The following SNTG1 variants were observed in gnomAD, a reference collection of about 807,000 sequenced individuals.
SNTG1 encodes the protein gamma-1-syntrophin.
Under a neutral mutation model 74.7 loss-of-function variants are expected in SNTG1, and 39 were observed. That is an observed-to-expected ratio of 0.52 (90% confidence interval 0.40 to 0.68). The LOEUF (loss-of-function observed/expected upper bound fraction) is 0.68. Among genes scored for constraint, SNTG1 ranks in the 30% least tolerant of loss-of-function variants. SNTG1 has a pLI of 0.00. For missense variants in SNTG1, 685 were observed against 609.5 expected (o/e 1.12, Z -1.30); for synonymous variants, 254 against 217.1 (o/e 1.17, Z -1.49).
rs1484001501 is a variant in SNTG1, at chr8:49,912,162, G to A, written c.-172G>A. The A allele has an allele frequency of 6.6e-6, 1 of 152,206 alleles. No individual in the cohort carries two copies. Among genetic ancestry groups the A allele is most frequent in the African/African-American group, 2.4e-5 (1 of 41,456 alleles). 9.4% of individuals were successfully genotyped at this position (152,206 alleles called of 1,614,324 possible). A position where few individuals can be genotyped will look rare whatever the true frequency, so the allele number is the denominator to read the frequency against. On this transcript the variant is annotated 5_prime_UTR_variant, in exon 1 of 19. Coordinates refer to ENST00000642720, the MANE Select transcript of SNTG1 (RefSeq NM_018967.5). The stretch of plus-strand genomic sequence containing the variant: ...TGTTTTGGAAATAGCTTTGTGAAAA[G>A]AGGGTGGAGAGCTACTCAAAATTCT...
At chr8:49,965,023 G>A (rs1811020112) in intron 1 of SNTG1, among the ~76,000 whole-genome samples, 1 of 152,144 alleles carries the variant, frequency 6.6e-6, no homozygotes, top group Non-Finnish European at 1.5e-5. Context: ...GATAGAGCAT[G>A]GGATCTCTGA....
intron 12 of SNTG1, among the ~76,000 whole-genome samples, chr8:50,587,320 T>TATCTTATCAATCTTATCA (rs200847348): frequency 6.6e-6 from 1 of 152,072 alleles, no homozygotes. Flanking sequence ...GTAAGCATCG[T>TATCTTATCAATCTTATCA]ATCTTATCAA....
chr8:50,717,404 G>T (rs2095477653), intron 17 of SNTG1, among the ~76,000 whole-genome samples: 1 of 152,092 alleles, frequency 6.6e-6, no homozygotes, highest in Non-Finnish European at 1.5e-5. Flanking sequence ...CTTCAAACCT[G>T]CATGAATTGA....
At chr8:50,512,396 G>A (rs2094088384) in intron 9 of SNTG1, among the ~76,000 whole-genome samples, 1 of 151,952 alleles carries the variant, frequency 6.6e-6, no homozygotes, top group East Asian at 1.9e-4. Context: ...TATGTGTCTT[G>A]GAGTTGCTCT....
At chr8:50,585,640 A>T (rs1272955655) in intron 12 of SNTG1, among the ~76,000 whole-genome samples, 1 of 152,166 alleles carries the variant, frequency 6.6e-6, no homozygotes, top group East Asian at 1.9e-4. Context: ...AGAGTAGAAA[A>T]TTTTTAAAAC....
intron 2 of SNTG1, among the ~76,000 whole-genome samples, chr8:50,279,724 A>G (rs1258891069): frequency 6.6e-6 from 1 of 152,218 alleles, no homozygotes. Context: ...CTATATTGCC[A>G]GAGTAGATCT....
At chr8:50,491,785 A>G (rs765857199) in intron 8 of SNTG1, among the ~76,000 whole-genome samples, 1 of 151,986 alleles carries the variant, frequency 6.6e-6, no homozygotes, top group Non-Finnish European at 1.5e-5. Flanking sequence ...TTTGTTACAT[A>G]GGTATACTTG....
chr8:49,978,546 T>C (rs1425807083), intron 1 of SNTG1, among the ~76,000 whole-genome samples: 1 of 152,218 alleles, frequency 6.6e-6, no homozygotes, highest in Admixed American at 6.5e-5. Flanking sequence ...TTTGTACCTG[T>C]AAAAATGGGC....
At chr8:50,141,201 A>T (rs2081644184) in intron 1 of SNTG1, among the ~76,000 whole-genome samples, 1 of 152,166 alleles carries the variant, frequency 6.6e-6, no homozygotes, top group Non-Finnish European at 1.5e-5. Flanking sequence ...ACTTAAATAT[A>T]TGGGAATAGG....
At chr8:50,047,165 C>T (rs1312211701) in intron 1 of SNTG1, among the ~76,000 whole-genome samples, 2 of 151,796 alleles carry the variant, frequency 1.3e-5, no homozygotes, top group Middle Eastern at 3.2e-3. Flanking sequence ...ATGGTAAAAC[C>T]CCATGTCTAC....
intron 1 of SNTG1, among the ~76,000 whole-genome samples, chr8:50,100,797 T>C (rs1586268988): frequency 6.6e-6 from 1 of 152,192 alleles, no homozygotes; most frequent in East Asian, 1.9e-4. Context: ...AAAAATTATT[T>C]TAGGTTCAGG....
intron 4 of SNTG1, among the ~76,000 whole-genome samples, chr8:50,406,562 C>T (rs2092878760): frequency 6.6e-6 from 1 of 152,012 alleles, no homozygotes; most frequent in Admixed American, 6.6e-5. Flanking sequence ...TTAAGATTTC[C>T]AATACTATGC....
intron 13 of SNTG1, among the ~76,000 whole-genome samples, chr8:50,597,428 T>TAC (rs1224362959): frequency 1.4e-5 from 2 of 147,460 alleles, no homozygotes; most frequent in African/African-American, 5.1e-5. Flanking sequence ...TATACATATA[T>TAC]ATATGCCACA....
At chr8:50,032,648 A>T (rs1046825297) in intron 1 of SNTG1, among the ~76,000 whole-genome samples, 2 of 152,010 alleles carry the variant, frequency 1.3e-5, no homozygotes, top group Non-Finnish European at 1.5e-5. Context: ...TCTTCTTTCC[A>T]GTTTGCTGTG....
At chr8:50,355,748 G>A (rs1217292731) in intron 2 of SNTG1, among the ~76,000 whole-genome samples, 4 of 152,080 alleles carry the variant, frequency 2.6e-5, no homozygotes, top group African/African-American at 9.7e-5. Context: ...AGATTCCTAT[G>A]GTATAAGAGG....
At chr8:49,958,386 C>T (rs1472638923) in intron 1 of SNTG1, among the ~76,000 whole-genome samples, 1 of 151,838 alleles carries the variant, frequency 6.6e-6, no homozygotes, top group Non-Finnish European at 1.5e-5. Flanking sequence ...TCCTACAATT[C>T]CAGGAGTGAG....
At chr8:50,682,764 C>T (rs890652180) in intron 15 of SNTG1, among the ~76,000 whole-genome samples, 5 of 152,270 alleles carry the variant, frequency 3.3e-5, no homozygotes, top group East Asian at 1.9e-4. Flanking sequence ...CAGGCATGCC[C>T]TATCTGCTCT....
chr8:50,692,649 G>A (rs187037943), intron 15 of SNTG1, among the ~76,000 whole-genome samples: 4 of 152,232 alleles, frequency 2.6e-5, no homozygotes, highest in East Asian at 1.9e-4. Flanking sequence ...GTGAGGTATC[G>A]GTCCAACCCT....
At chr8:50,392,259 T>C (rs1282097980) in intron 2 of SNTG1, among the ~76,000 whole-genome samples, 1 of 152,236 alleles carries the variant, frequency 6.6e-6, no homozygotes, top group East Asian at 1.9e-4. Context: ...GGATTGGCTT[T>C]GATTGTGATT....
Sources: allele counts gnomAD v4.1 joint callset (sites outside exome capture counted in the v4.1 genomes callset), GRCh38; gene constraint gnomAD v4.1.1; transcripts MANE v1.5; gene names NCBI Gene and HGNC (gene_info 2026-07-23, HGNC 2026-07-21).